Variants in TDRD7 observed in about 807,000 individuals in gnomAD.
TDRD7 encodes the protein tudor domain containing 7.
A neutral mutation model predicts 109.8 loss-of-function variants in TDRD7; 47 were observed. The observed-to-expected ratio is 0.43, with a 90% CI of 0.34 to 0.55. TDRD7 has a LOEUF of 0.55. Among genes scored for constraint, TDRD7 ranks in the 20% least tolerant of loss-of-function variants. TDRD7 has a pLI of 0.03. For synonymous variants in TDRD7, 424 were observed against 457.3 expected (o/e 0.93, Z 0.93); for missense variants, 1,164 against 1,319.2 (o/e 0.88, Z 1.82).
At chr9:97,479,643 C>A (rs1389783325) in intron 13 of TDRD7, among the ~76,000 whole-genome samples, 1 of 152,260 alleles carries the variant, frequency 6.6e-6, no homozygotes, top group Non-Finnish European at 1.5e-5. Context: ...CCAGCCCAAG[C>A]CTCTGGCTCA....
At chr9:97,459,269 G>A (rs1003740321) in intron 6 of TDRD7, among the ~76,000 whole-genome samples, 5 of 152,250 alleles carry the variant, frequency 3.3e-5, no homozygotes, top group Admixed American at 2.0e-4. Flanking sequence ...AAATAAATGA[G>A]CATGACTGTG....
At chr9:97,418,462 C>T (rs1358112385) in intron 1 of TDRD7, among the ~76,000 whole-genome samples, 2 of 152,008 alleles carry the variant, frequency 1.3e-5, no homozygotes, top group African/African-American at 2.4e-5. Flanking sequence ...GGCAAAGCTT[C>T]GTACCTCACT....
chr9:97,496,103 T>C lies in TDRD7; in HGVS notation c.*220T>C, dbSNP rs1006051819. 1.0e-4 allele frequency: 49 copies of C among 488,476 alleles called. No individual in the cohort carries two copies. Among genetic ancestry groups the C allele is most frequent in the Admixed American group, 1.7e-4 (5 of 30,236 alleles). The allele number at this position is 488,476 out of a possible 1,614,324, so 30.3% of individuals were successfully genotyped here. A position where few individuals can be genotyped will look rare whatever the true frequency, so the allele number is the denominator to read the frequency against. On this transcript the variant is annotated 3_prime_UTR_variant, in exon 17 of 17. Transcript: ENST00000355295. ...TTGAATTATTACTATAATATTAGAA[T>C]AAAAATGTTTATCAATATAAAAGCT... is the stretch of plus-strand genomic sequence containing the variant.
chr9:97,433,642 A>T (rs1305122627), intron 4 of TDRD7, among the ~76,000 whole-genome samples: 1 of 152,140 alleles, frequency 6.6e-6, no homozygotes, highest in Admixed American at 6.6e-5. Flanking sequence ...AATATTCAAA[A>T]TATAGAGAAC....
chr9:97,463,950 A>G (rs1333601958), intron 7 of TDRD7, among the ~76,000 whole-genome samples: 1 of 152,150 alleles, frequency 6.6e-6, no homozygotes, highest in Non-Finnish European at 1.5e-5. Flanking sequence ...ATTCTTTAAT[A>G]AGTTTGGAGG....
chr9:97,418,752 C>G (rs138789141), intron 1 of TDRD7, among the ~76,000 whole-genome samples: 99 of 152,240 alleles, frequency 6.5e-4, no homozygotes, highest in African/African-American at 2.2e-3. Flanking sequence ...CCTTTCAAAC[C>G]TGAATCACAG....
At position 97,475,268 on chromosome 9, in the gene TDRD7, G is replaced by A; in HGVS notation, c.2080-115G>A. 5 of 799,394 alleles carry A rather than the reference G, an allele frequency of 6.3e-6. No homozygotes were observed. The South Asian group carries it at 7.2e-5, about 11-fold the overall frequency. 49.5% of individuals were successfully genotyped at this position (799,394 alleles called of 1,614,324 possible). ...GTGTTTGCTGCATCCATTGCTGGAA[G>A]TCTGACTACATGTCGGTTAAGTCTG... On this transcript the variant is annotated intron_variant, in intron 11 of 16. Coordinates refer to ENST00000355295, the MANE Select transcript of TDRD7 (RefSeq NM_014290.3).
chr9:97,486,911 T>G (rs1829220838), intron 15 of TDRD7, among the ~76,000 whole-genome samples: 1 of 152,216 alleles, frequency 6.6e-6, no homozygotes, highest in Non-Finnish European at 1.5e-5. Context: ...ATATGTCTCT[T>G]TCCTTCACTA....
intron 1 of TDRD7, among the ~76,000 whole-genome samples, chr9:97,415,013 G>T (rs1827788883): frequency 6.6e-6 from 1 of 152,178 alleles, no homozygotes; most frequent in Admixed American, 6.5e-5. Flanking sequence ...CTAAAATAGT[G>T]TCTTCAAGGA....
intron 6 of TDRD7, among the ~76,000 whole-genome samples, chr9:97,454,447 C>T (rs1275316571): frequency 6.6e-6 from 1 of 152,212 alleles, no homozygotes; most frequent in Non-Finnish European, 1.5e-5. Flanking sequence ...TGCCACTGCA[C>T]TCCAGCCTGG....
chr9:97,463,679 A>G (rs980241771), intron 7 of TDRD7, among the ~76,000 whole-genome samples: 1 of 152,214 alleles, frequency 6.6e-6, no homozygotes, highest in South Asian at 2.1e-4. Context: ...TTGATATGCC[A>G]GGTTTTACAC....
chr9:97,485,710 A>G (rs1829200774), intron 15 of TDRD7, among the ~76,000 whole-genome samples: 1 of 152,228 alleles, frequency 6.6e-6, no homozygotes, highest in Admixed American at 6.5e-5. Flanking sequence ...ATTATTAGCC[A>G]AGTAATGTCC....
rs529411765 is a variant in TDRD7, at chr9:97,462,980, G to A, written c.1443-1862G>A. ...GTTGAGCACCCAGGGCTACATAGCA[G>A]CACTAGGGGGAGGCCCAGTGAGACT... On this transcript the variant is annotated intron_variant, in intron 7 of 16. Coordinates refer to ENST00000355295, the MANE Select transcript of TDRD7 (RefSeq NM_014290.3). Among the ~76,000 whole-genome samples, 6 of 152,402 alleles carry A rather than the reference G, an allele frequency of 3.9e-5. No individual in the cohort carries two copies. In the South Asian group the frequency reaches 1.2e-3, roughly 32 times the overall value.
At chr9:97,495,335 ATATTT>A (rs1281866843) in intron 16 of TDRD7, among the ~76,000 whole-genome samples, 2 of 152,174 alleles carry the variant, frequency 1.3e-5, no homozygotes, top group African/African-American at 2.4e-5. Context: ...TATGATATTG[ATATTT>A]TATTCTGTTA....
intron 6 of TDRD7, among the ~76,000 whole-genome samples, chr9:97,453,816 A>G (rs1410517277): frequency 3.3e-5 from 5 of 152,202 alleles, no homozygotes; most frequent in African/African-American, 7.2e-5. Flanking sequence ...GCATTACATA[A>G]TAGTAAAGGG....
intron 10 of TDRD7, 22 bp from the exon 11 acceptor site, chr9:97,473,470 A>C (rs1311704424): frequency 1.2e-6 from 2 of 1,613,322 alleles, no homozygotes; most frequent in East Asian, 2.2e-5. Context: ...AGCATTCACG[A>C]GGTATCCTTT....
intron 15 of TDRD7, among the ~76,000 whole-genome samples, chr9:97,485,766 T>C (rs1382139111): frequency 6.6e-6 from 1 of 152,202 alleles, no homozygotes; most frequent in Non-Finnish European, 1.5e-5. Context: ...TTACATTAAA[T>C]ATTAAACATG....
chr9:97,462,838 TAAGAG>T (rs1319787673), intron 7 of TDRD7, among the ~76,000 whole-genome samples: 1 of 152,210 alleles, frequency 6.6e-6, no homozygotes, highest in Non-Finnish European at 1.5e-5. Context: ...CCTGGCTGCT[TAAGAG>T]AAGAGAAGCT....
rs76330267 is a variant in TDRD7 at position 97,451,446 on chromosome 9, C to A, written c.856-8732C>A. Among the ~76,000 whole-genome samples the A allele has an allele frequency of 8.3e-3, 1,256 of 152,224 alleles. 45 individuals are homozygous for A. The East Asian group carries it at 0.11, about 13-fold the overall frequency. The stretch of plus-strand genomic sequence containing the variant: ...CTGGGATTATAGATGCACACTATCA[C>A]ATCCAGCTAATTTTTAAAATTTTTT... On this transcript the variant is annotated intron_variant, in intron 6 of 16. Transcript: ENST00000355295.
Sources: gnomAD v4.1 joint callset for allele counts (sites outside exome capture counted in the v4.1 genomes callset) on GRCh38, gnomAD v4.1.1 for gene constraint, MANE v1.5 for transcripts, NCBI Gene and HGNC (gene_info 2026-07-23, HGNC 2026-07-21) for gene names.